The following MOB3B variants were observed in gnomAD, a reference collection of about 807,000 sequenced individuals.
MOB3B encodes MOB kinase activator 3B.
A neutral mutation model predicts 18.7 loss-of-function variants in MOB3B; 7 were observed. The observed-to-expected ratio is 0.37, with a 90% confidence interval of 0.21 to 0.70. MOB3B has a LOEUF of 0.70. MOB3B is among the 30% of genes least tolerant of loss of function. The pLI is 0.52. For synonymous variants in MOB3B, 111 were observed against 99.9 expected, an observed-to-expected ratio of 1.11 and a Z score of -0.66; for missense variants, 253 against 281.3, an observed-to-expected ratio of 0.90 and a Z score of 0.72.
chr9:27,466,198 C>T (rs932701446), intron 1 of MOB3B, among the ~76,000 whole-genome samples: 8 of 152,244 alleles, frequency 5.3e-5, no homozygotes, highest in South Asian at 4.1e-4. Flanking sequence ...AAATTTCTTC[C>T]GCCAGTTACC....
intron 2 of MOB3B, among the ~76,000 whole-genome samples, chr9:27,363,780 C>T (rs1170418345): frequency 1.3e-5 from 2 of 152,110 alleles, no homozygotes; most frequent in African/African-American, 4.8e-5. Flanking sequence ...TTTACTCTGT[C>T]ACCCAGGCTG....
chr9:27,455,972 T>G (rs1021558576), intron 1 of MOB3B, among the ~76,000 whole-genome samples: 2 of 152,216 alleles, frequency 1.3e-5, no homozygotes, highest in African/African-American at 4.8e-5. Flanking sequence ...TCATGGCCTT[T>G]GTCAAATCTC....
chr9:27,466,819 G>T (rs12551344), intron 1 of MOB3B, among the ~76,000 whole-genome samples: 8 of 151,924 alleles, frequency 5.3e-5, no homozygotes, highest in South Asian at 2.1e-4. Flanking sequence ...TCTCCCCTTG[G>T]GTCCGTCCTA....
intron 2 of MOB3B, among the ~76,000 whole-genome samples, chr9:27,425,373 C>CAA (rs57574286): frequency 2.0e-3 from 108 of 52,968 alleles, no homozygotes; most frequent in African/African-American, 6.0e-3. Flanking sequence ...AAAACTGTCT[C>CAA]AAAAAAAAAA....
chr9:27,509,679 A>C (rs1563886357), intron 1 of MOB3B, among the ~76,000 whole-genome samples: 1 of 151,282 alleles, frequency 6.6e-6, no homozygotes, highest in Non-Finnish European at 1.5e-5. Context: ...AGCCTCCCAA[A>C]GTGCTGAGAT....
chr9:27,513,508 C>A (rs1294922162), intron 1 of MOB3B, among the ~76,000 whole-genome samples: 1 of 152,204 alleles, frequency 6.6e-6, no homozygotes, highest in Admixed American at 6.5e-5. Context: ...GCTTGCTGTG[C>A]CCTGCCAGTC....
chr9:27,330,710 G>T, intron 3 of MOB3B, 94 bp from the exon 4 acceptor site: 3 of 1,548,176 alleles, frequency 1.9e-6, no homozygotes, highest in Non-Finnish European at 2.7e-6. Context: ...AATCTCGAGA[G>T]CCTGTAAATG....
At chr9:27,370,885 T>C (rs905256649) in intron 2 of MOB3B, among the ~76,000 whole-genome samples, 3 of 152,122 alleles carry the variant, frequency 2.0e-5, no homozygotes, top group African/African-American at 7.2e-5. Flanking sequence ...CACTGCTTGG[T>C]AGAAAGATCT....
At chr9:27,471,956 C>T (rs1041205996) in intron 1 of MOB3B, among the ~76,000 whole-genome samples, 9 of 152,176 alleles carry the variant, frequency 5.9e-5, no homozygotes, top group Admixed American at 2.0e-4. Flanking sequence ...AAAGAATCAT[C>T]CCGAGTCCAA....
intron 2 of MOB3B, among the ~76,000 whole-genome samples, chr9:27,387,967 T>C (rs1052655661): frequency 6.6e-6 from 1 of 152,100 alleles, no homozygotes; most frequent in African/African-American, 2.4e-5. Context: ...CATTTGGCAA[T>C]GGCTGAAGGC....
intron 1 of MOB3B, among the ~76,000 whole-genome samples, chr9:27,462,604 G>A (rs912910011): frequency 2.0e-5 from 3 of 152,174 alleles, no homozygotes; most frequent in African/African-American, 4.8e-5. Context: ...AGTGGATACT[G>A]GGATAAAGGT....
intron 2 of MOB3B, chr9:27,397,466 T>C (rs983322402): frequency 6.6e-6 from 1 of 152,190 alleles, no homozygotes; most frequent in Non-Finnish European, 1.5e-5. Context: ...AAGCAACACA[T>C]TACAGGGGAA....
At chr9:27,497,284 T>C (rs1287787698) in intron 1 of MOB3B, among the ~76,000 whole-genome samples, 1 of 152,216 alleles carries the variant, frequency 6.6e-6, no homozygotes, top group African/African-American at 2.4e-5. Flanking sequence ...AAAGCTTGGA[T>C]GTGAAAGCTT....
chr9:27,447,649 T>A (rs564644078), intron 2 of MOB3B, among the ~76,000 whole-genome samples: 2 of 152,320 alleles, frequency 1.3e-5, no homozygotes, highest in African/African-American at 4.8e-5. Context: ...CTCCCCTTCC[T>A]TTCTGCTTCT....
chr9:27,367,597 A>G (rs947948854), intron 2 of MOB3B, among the ~76,000 whole-genome samples: 1 of 152,198 alleles, frequency 6.6e-6, no homozygotes, highest in Non-Finnish European at 1.5e-5. Flanking sequence ...CTAGCTCTTC[A>G]TGAGACCACA....
chr9:27,365,704 T>A (rs1424292035), intron 2 of MOB3B, among the ~76,000 whole-genome samples: 1 of 152,118 alleles, frequency 6.6e-6, no homozygotes, highest in East Asian at 1.9e-4. Context: ...GCTGGAAAAT[T>A]TCAGACTCCA....
chr9:27,359,501 C>G (rs1821243520), intron 2 of MOB3B, among the ~76,000 whole-genome samples: 1 of 152,058 alleles, frequency 6.6e-6, no homozygotes, highest in Non-Finnish European at 1.5e-5. Flanking sequence ...GTTAGAGCTT[C>G]TAATTTTTCA....
chr9:27,362,758 G>A (rs1821291541), intron 2 of MOB3B, among the ~76,000 whole-genome samples: 1 of 152,058 alleles, frequency 6.6e-6, no homozygotes, highest in South Asian at 2.1e-4. Flanking sequence ...ACAGAGAGTG[G>A]GAAAAGAACA....
At chr9:27,520,954 G>A (rs1820315402) in intron 1 of MOB3B, among the ~76,000 whole-genome samples, 1 of 152,204 alleles carries the variant, frequency 6.6e-6, no homozygotes, top group African/African-American at 2.4e-5. Flanking sequence ...TATCTGCTAA[G>A]ACAGGCAATC....
Sources: gnomAD v4.1 joint callset for allele counts (sites outside exome capture counted in the v4.1 genomes callset) on GRCh38, gnomAD v4.1.1 for gene constraint, MANE v1.5 for transcripts, NCBI Gene and HGNC (gene_info 2026-07-23, HGNC 2026-07-21) for gene names.